Variants in WWOX observed in about 807,000 individuals in gnomAD.
The protein encoded by WWOX is WW domain containing oxidoreductase, also known as WW domain-containing oxidoreductase.
WWOX carries 69 observed loss-of-function variants against 46.2 expected under a neutral mutation model. That is an observed-to-expected ratio of 1.49 (90% CI 1.23 to 1.82). The LOEUF is 1.82. Among genes scored for constraint, WWOX ranks in the 40% most tolerant of loss-of-function variants. The probability of loss-of-function intolerance (pLI) is 0.00; values close to 1 mark genes in which losing one functional copy is unlikely to be tolerated. For missense variants in WWOX, 919 were observed against 542.6 expected (o/e 1.69, Z -6.89); for synonymous variants, 359 against 202.6 (o/e 1.77, Z -6.56).
intron 5 of WWOX, among the ~76,000 whole-genome samples, chr16:78,216,080 C>T (rs190541911): frequency 3.9e-4 from 59 of 152,276 alleles, no homozygotes; most frequent in South Asian, 4.1e-4. Flanking sequence ...TGGTCTCATC[C>T]GTCAGCCACA....
intron 5 of WWOX, among the ~76,000 whole-genome samples, chr16:78,223,519 G>A: frequency 6.6e-6 from 1 of 152,162 alleles, no homozygotes; most frequent in East Asian, 1.9e-4. Flanking sequence ...AGGTGGTGTA[G>A]GCAAAGAGAA....
chr16:78,741,296 C>G (rs1481221925), intron 8 of WWOX, among the ~76,000 whole-genome samples: 3 of 152,196 alleles, frequency 2.0e-5, no homozygotes, highest in Admixed American at 1.3e-4. Context: ...CGCGGTGGCT[C>G]ACGCCTGTAA....
At chr16:78,653,813 A>G (rs1365481844) in intron 8 of WWOX, among the ~76,000 whole-genome samples, 2 of 152,216 alleles carry the variant, frequency 1.3e-5, no homozygotes, top group Admixed American at 1.3e-4. Flanking sequence ...ATTGAAAGTG[A>G]TGGCCAAAAC....
chr16:78,186,099 A>G (rs1313761755), intron 5 of WWOX, among the ~76,000 whole-genome samples: 2 of 152,214 alleles, frequency 1.3e-5, no homozygotes, highest in Non-Finnish European at 2.9e-5. Context: ...GTTGATATAA[A>G]ATAACATGAC....
chr16:79,103,518 C>T (rs2049245168), intron 8 of WWOX, among the ~76,000 whole-genome samples: 1 of 152,138 alleles, frequency 6.6e-6, no homozygotes, highest in African/African-American at 2.4e-5. Flanking sequence ...AGCTGGAGAA[C>T]ACCCGTTTCA....
chr16:78,254,107 G>C (rs907822119), intron 5 of WWOX, among the ~76,000 whole-genome samples: 1 of 151,402 alleles, frequency 6.6e-6, no homozygotes, highest in Non-Finnish European at 1.5e-5. Context: ...GAGTTGTTCT[G>C]TCACTCAGGC....
At chr16:78,913,472 A>G (rs771415078) in intron 8 of WWOX, among the ~76,000 whole-genome samples, 1 of 151,944 alleles carries the variant, frequency 6.6e-6, no homozygotes, top group Non-Finnish European at 1.5e-5. Context: ...CTTGATGTGA[A>G]CAAGCATGAT....
intron 8 of WWOX, among the ~76,000 whole-genome samples, chr16:78,510,332 A>T (rs1228795507): frequency 6.6e-6 from 1 of 151,992 alleles, no homozygotes; most frequent in Non-Finnish European, 1.5e-5. Context: ...CCGCTTCCCA[A>T]GTACCTGGGA....
Position 78,318,094 on chromosome 16 carries a change from C to G in WWOX, c.517-68766C>G, listed in dbSNP as rs145069773. On this transcript the variant is annotated intron_variant, in intron 5 of 8. Coordinates refer to ENST00000566780, the MANE Select transcript of WWOX (RefSeq NM_016373.4). ...TCTAACAATATCCTTTTAGAGAACA[C>G]CAAGGGGATGTGAGTCACTTTCCCT... is the stretch of plus-strand genomic sequence containing the variant. 1.4e-4 allele frequency among the ~76,000 whole-genome samples: 21 copies of G among 152,160 alleles called. No homozygotes were observed. In the South Asian group the frequency reaches 3.5e-3, roughly 26 times the overall value.
chr16:78,303,840 C>T (rs545634712), intron 5 of WWOX, among the ~76,000 whole-genome samples: 3 of 152,274 alleles, frequency 2.0e-5, no homozygotes, highest in African/African-American at 2.4e-5. Flanking sequence ...CCACCGTGCC[C>T]GGCCAGACCC....
intron 6 of WWOX, among the ~76,000 whole-genome samples, chr16:78,417,228 G>A (rs894556761): frequency 2.6e-5 from 4 of 151,842 alleles, no homozygotes; most frequent in African/African-American, 7.3e-5. Flanking sequence ...GCATGCCACT[G>A]GCTATTTTTA....
chr16:78,908,288 C>A (rs558915552), intron 8 of WWOX, among the ~76,000 whole-genome samples: 7 of 151,992 alleles, frequency 4.6e-5, no homozygotes, highest in African/African-American at 1.7e-4. Flanking sequence ...GCCTGTAATC[C>A]CAGCATTTTG....
At chr16:79,125,305 G>T (rs1387619850) in intron 8 of WWOX, among the ~76,000 whole-genome samples, 1 of 152,132 alleles carries the variant, frequency 6.6e-6, no homozygotes, top group Admixed American at 6.5e-5. Context: ...TAATTGTCTT[G>T]TTGATTTCAA....
intron 8 of WWOX, among the ~76,000 whole-genome samples, chr16:78,983,356 C>A (rs2046720276): frequency 6.6e-6 from 1 of 152,172 alleles, no homozygotes; most frequent in South Asian, 2.1e-4. Context: ...CCGTGGTGTT[C>A]TTTCTTAAGT....
Position 79,212,232 on chromosome 16 carries a change from C to CTTGCTGCATTGATCCAGGAGATAA in WWOX, c.*440_*463dup. ...AAGAAAAAGCAAGTGTTCACTGCTC[C>CTTGCTGCATTGATCCAGGAGATAA]TTGCTGCATTGATCCAGGAGATAAT... On this transcript the variant is annotated 3_prime_UTR_variant, in exon 9 of 9. Transcript: ENST00000566780. The CTTGCTGCATTGATCCAGGAGATAA allele has an allele frequency of 7.3e-7, 1 of 1,370,404 alleles. No individual in the cohort carries two copies. The highest frequency in any genetic ancestry group is 9.6e-7 in the Non-Finnish European group (1 of 1,040,140). The allele number at this position is 1,370,404 out of a possible 1,614,324, so 84.9% of individuals were successfully genotyped here.
At chr16:78,294,990 C>T (rs1268791726) in intron 5 of WWOX, among the ~76,000 whole-genome samples, 2 of 152,184 alleles carry the variant, frequency 1.3e-5, no homozygotes, top group East Asian at 1.9e-4. Flanking sequence ...TCTAAGGTCT[C>T]CTGGTAGGCC....
chr16:79,159,489 G>A (rs181053802), intron 8 of WWOX, among the ~76,000 whole-genome samples: 14 of 152,192 alleles, frequency 9.2e-5, no homozygotes, highest in South Asian at 2.1e-4. Context: ...ACTGGGAGAC[G>A]GTTGTTATAC....
At chr16:78,854,635 C>T (rs2052525690) in intron 8 of WWOX, among the ~76,000 whole-genome samples, 1 of 152,170 alleles carries the variant, frequency 6.6e-6, no homozygotes, top group African/African-American at 2.4e-5. Context: ...GACTGGAGTG[C>T]AGTGGCGCGA....
chr16:78,247,368 A>G (rs1344666724), intron 5 of WWOX, among the ~76,000 whole-genome samples: 7 of 152,120 alleles, frequency 4.6e-5, no homozygotes, highest in Non-Finnish European at 7.4e-5. Context: ...CCTAGTGGAC[A>G]TGGTTCTCAT....
Sources: allele counts gnomAD v4.1 joint callset (sites outside exome capture counted in the v4.1 genomes callset), GRCh38; gene constraint gnomAD v4.1.1; transcripts MANE v1.5; gene names NCBI Gene and HGNC (gene_info 2026-07-23, HGNC 2026-07-21).